Variants in DYRK1A observed in about 807,000 individuals in gnomAD.
DYRK1A encodes the protein dual specificity tyrosine-phosphorylation-regulated kinase 1A.
Under a neutral mutation model 79.7 loss-of-function variants are expected in DYRK1A, and 9 were observed. The ratio of observed to expected loss-of-function variants is 0.11; its 90% CI spans 0.07 to 0.20. DYRK1A has a LOEUF of 0.20. Among genes scored for constraint, DYRK1A ranks in the 10% least tolerant of loss-of-function variants. DYRK1A has a pLI of 1.00. For synonymous variants in DYRK1A, 349 were observed against 329.7 expected, an observed-to-expected ratio of 1.06 and a Z score of -0.63; for missense variants, 622 against 956.0, an observed-to-expected ratio of 0.65 and a Z score of 4.61.
intron 2 of DYRK1A, among the ~76,000 whole-genome samples, chr21:37,472,277 CA>C (rs1365221801): frequency 6.6e-6 from 1 of 152,154 alleles, no homozygotes; most frequent in Non-Finnish European, 1.5e-5. Flanking sequence ...GCAGCAGGTG[CA>C]AAATAGCATC....
chr21:37,467,106 GA>G (rs5843833), intron 2 of DYRK1A, among the ~76,000 whole-genome samples: 97,845 of 130,898 alleles, frequency 0.75, 34,895 homozygotes, highest in East Asian at 0.94. Context: ...ATTTACAAAA[GA>G]AAAAAAAAAA....
In DYRK1A at chr21:37,511,939, G is replaced by T. The variant is rs1453245604; in HGVS notation, c.1673G>T (p.Gly558Val). The part of the protein sequence containing the change: ...QVRQQFPAPL[G>V]WSGTEAPTQV... Reference sequence around the variant, plus strand: ...CGTCAGCAATTTCCTGCTCCTCTTGGTTGGTCAGGCACTGAAGCTCCTACA... The same window carrying T: ...CGTCAGCAATTTCCTGCTCCTCTTGTTTGGTCAGGCACTGAAGCTCCTACA... Residue 558 changes from glycine (G) to valine (V), a missense_variant, in exon 12 of 12, where the codon GGT (glycine) becomes GTT (valine). Transcript: ENST00000647188. 1 of 1,613,548 alleles carries T rather than the reference G, an allele frequency of 6.2e-7. No homozygotes were observed.
intron 1 of DYRK1A, among the ~76,000 whole-genome samples, chr21:37,413,259 ATTT>A (rs2050275569): frequency 6.6e-6 from 1 of 151,968 alleles, no homozygotes; most frequent in Non-Finnish European, 1.5e-5. Flanking sequence ...GGGCCTTGTT[ATTT>A]TTCTGTGTTT....
chr21:37,421,217 A>G (rs1250841420), intron 2 of DYRK1A, among the ~76,000 whole-genome samples: 3 of 152,106 alleles, frequency 2.0e-5, no homozygotes, highest in Non-Finnish European at 4.4e-5. Flanking sequence ...TGAAAATGTG[A>G]TTGCTAACTG....
At position 37,406,936 on chromosome 21, in the gene DYRK1A, G is replaced by T. The variant is rs1310424908; in HGVS notation, c.-76-13363G>T. ...TTGAGTTGATGTTTAAAATTCTTTT[G>T]ATTTTTTTTTTTTTTTTAAAGTCAT... On this transcript the variant is annotated intron_variant, in intron 1 of 11. Transcript: ENST00000647188. 2.6e-4 allele frequency among the ~76,000 whole-genome samples: 35 copies of T among 133,800 alleles called. No homozygotes were observed. The Middle Eastern group carries it at 0.012, about 45-fold the overall frequency. 87.8% of individuals were successfully genotyped at this position (133,800 alleles called of 152,430 possible).
intron 1 of DYRK1A, among the ~76,000 whole-genome samples, chr21:37,388,035 T>C (rs1602383236): frequency 6.6e-6 from 1 of 151,814 alleles, no homozygotes; most frequent in East Asian, 1.9e-4. Flanking sequence ...TGTTTTTATC[T>C]CTCCCTCTTC....
At chr21:37,396,144 T>C (rs1740891525) in intron 1 of DYRK1A, among the ~76,000 whole-genome samples, 1 of 151,898 alleles carries the variant, frequency 6.6e-6, no homozygotes, top group African/African-American at 2.4e-5. Flanking sequence ...GGAGAAGGGG[T>C]ATAGGAGGCA....
chr21:37,505,842 A>G (rs963123263), intron 10 of DYRK1A, among the ~76,000 whole-genome samples: 6 of 152,180 alleles, frequency 3.9e-5, no homozygotes, highest in African/African-American at 1.4e-4. Context: ...CTTAAATGGA[A>G]TTTTTGTCCA....
intron 2 of DYRK1A, among the ~76,000 whole-genome samples, chr21:37,428,357 T>C (rs1056863108): frequency 1.5e-4 from 23 of 152,222 alleles, no homozygotes; most frequent in Admixed American, 1.5e-3. Context: ...CAAATGAGAA[T>C]GAACCCATCA....
chr21:37,407,012 C>G (rs2050161144), intron 1 of DYRK1A, among the ~76,000 whole-genome samples: 1 of 151,024 alleles, frequency 6.6e-6, no homozygotes, highest in African/African-American at 2.4e-5. Context: ...AGGCCCATTG[C>G]CCTGACTAGT....
At position 37,452,269 on chromosome 21, in the gene DYRK1A, T is replaced by G. The variant is rs16995140; in HGVS notation, c.11-20415T>G. 7.1e-3 allele frequency among the ~76,000 whole-genome samples: 1,063 copies of G among 149,824 alleles called. 13 individuals are homozygous for G. The highest frequency in any genetic ancestry group is 0.025 in the African/African-American group (1,020 of 40,604). ...CCCCTGGCCCCTTTCTGGATTAAGA[T>G]CTTGACAGAGCATGGAAATAAGCAG... On this transcript the variant is annotated intron_variant, in intron 2 of 11. Coordinates refer to ENST00000647188, the MANE Select transcript of DYRK1A (RefSeq NM_001347721.2).
intron 1 of DYRK1A, among the ~76,000 whole-genome samples, chr21:37,389,168 A>T (rs1482439004): frequency 6.6e-6 from 1 of 150,932 alleles, no homozygotes. Flanking sequence ...ATGAGCCACC[A>T]CTACTTGGCC....
chr21:37,451,375 T>A (rs2051444467), intron 2 of DYRK1A, among the ~76,000 whole-genome samples: 2 of 69,540 alleles, frequency 2.9e-5, no homozygotes, highest in South Asian at 6.0e-4. Flanking sequence ...CCTCCCTCCA[T>A]CCCTCCCCCA....
At position 37,417,529 on chromosome 21, in the gene DYRK1A, C is replaced by CTTTTTCTTT. The variant is rs1555959239; in HGVS notation, c.-76-2765_-76-2764insCTTTTTTTT. Among the ~76,000 whole-genome samples, 109 of 44,050 alleles carry CTTTTTCTTT rather than the reference C, an allele frequency of 2.5e-3. 1 individual carries two copies. Among genetic ancestry groups the CTTTTTCTTT allele is most frequent in the Middle Eastern group, 0.013 (1 of 78 alleles). 28.9% of individuals were successfully genotyped at this position (44,050 alleles called of 152,430 possible). On this transcript the variant is annotated intron_variant, in intron 1 of 11. Coordinates refer to ENST00000647188, the MANE Select transcript of DYRK1A (RefSeq NM_001347721.2). Reference sequence around the variant, plus strand: ...TTCTTTTCTTTTTCTTTTTCTTTTTCTTTTTTTTTTTTTTTTTTTTTTTTT... The same window carrying CTTTTTCTTT: ...TTCTTTTCTTTTTCTTTTTCTTTTTCTTTTTCTTTTTTTTTTTTTTTTTTTTTTTTTTTT...
intron 10 of DYRK1A, 125 bp downstream of exon 10, chr21:37,505,714 G>A (rs2053576146): frequency 9.7e-7 from 1 of 1,032,752 alleles, no homozygotes; most frequent in East Asian, 2.6e-5. Context: ...ACTTAAATCT[G>A]TTCTTTGTAG....
chr21:37,434,383 G>A (rs935290476), intron 2 of DYRK1A, among the ~76,000 whole-genome samples: 1 of 152,042 alleles, frequency 6.6e-6, no homozygotes, highest in African/African-American at 2.4e-5. Context: ...TCTTTTATAA[G>A]GCACAAATGG....
In DYRK1A at chr21:37,499,752, T is replaced by C. The variant is rs187490645; in HGVS notation, c.1212+3494T>C. 8.1e-4 allele frequency among the ~76,000 whole-genome samples: 124 copies of C among 152,352 alleles called. 2 individuals carry two copies. In the South Asian group the frequency reaches 0.025, roughly 31 times the overall value. ...TACAGAAATACAACTGATTTTTGTA[T>C]ATTGATTTTGTATCCTAAGACCTTG... On this transcript the variant is annotated intron_variant, in intron 9 of 11. Coordinates refer to ENST00000647188, the MANE Select transcript of DYRK1A (RefSeq NM_001347721.2).
At chr21:37,372,201 T>A (rs894311805) in intron 1 of DYRK1A, among the ~76,000 whole-genome samples, 3 of 151,682 alleles carry the variant, frequency 2.0e-5, no homozygotes, top group Admixed American at 1.3e-4. Context: ...CTCAGCACTT[T>A]GGGAGGCCAG....
intron 5 of DYRK1A, among the ~76,000 whole-genome samples, chr21:37,482,391 G>C (rs1469665674): frequency 6.6e-6 from 1 of 152,276 alleles, no homozygotes; most frequent in African/African-American, 2.4e-5. Flanking sequence ...TCACATGTCG[G>C]TAGGTTCTCT....
Sources: gnomAD v4.1 joint callset for allele counts (sites outside exome capture counted in the v4.1 genomes callset) on GRCh38, gnomAD v4.1.1 for gene constraint, MANE v1.5 for transcripts, NCBI Gene and HGNC (gene_info 2026-07-23, HGNC 2026-07-21) for gene names.